PCDHA5: variants seen among roughly 807,000 people sequenced by gnomAD.
PCDHA5 encodes the protein protocadherin alpha 5, also known as protocadherin alpha-5.
PCDHA5 carries 43 observed loss-of-function variants against 61.6 expected under a neutral mutation model. That is an observed-to-expected ratio of 0.70 (90% CI 0.55 to 0.90). The LOEUF is 0.90. PCDHA5 is among the 40% of genes least tolerant of loss of function. The pLI, the probability that PCDHA5 is intolerant of heterozygous loss-of-function variation, is 0.00. For missense variants in PCDHA5, 1,298 were observed against 1,222.7 expected, an observed-to-expected ratio of 1.06 and a Z score of -0.92; for synonymous variants, 627 against 543.9, an observed-to-expected ratio of 1.15 and a Z score of -2.13.
chr5:140,871,748 A>T (rs1298018715), intron 1 of PCDHA5: 3 of 637,032 alleles, frequency 4.7e-6, no homozygotes, highest in Non-Finnish European at 7.7e-6. Flanking sequence ...TCCTAAAAGA[A>T]ATGAGATGCA....
rs1769955190 is a variant in PCDHA5 at position 140,828,794 on chromosome 5, G to A, written c.2352+4667G>A. On this transcript the variant is annotated intron_variant, in intron 1 of 3. Transcript: ENST00000529859. ...TCAGCTGCTGGTCACAGTGCTGGAT[G>A]TGAATGATAATGCTCCCACTTTCGA... is the stretch of plus-strand genomic sequence containing the variant. 1 of 1,614,124 alleles carries A rather than the reference G, an allele frequency of 6.2e-7. No individual in the cohort carries two copies. Among genetic ancestry groups the A allele is most frequent in the African/African-American group, 1.3e-5 (1 of 74,946 alleles).
intron 1 of PCDHA5, among the ~76,000 whole-genome samples, chr5:140,891,498 G>C (rs566885852): frequency 6.6e-6 from 1 of 151,186 alleles, no homozygotes; most frequent in East Asian, 1.9e-4. Flanking sequence ...CATATCCTCA[G>C]CTATAATGTT....
chr5:140,824,197 C>G, intron 1 of PCDHA5, 70 bp downstream of exon 1: 1 of 1,598,572 alleles, frequency 6.3e-7, no homozygotes, highest in Non-Finnish European at 8.6e-7. Context: ...CATTCACCCA[C>G]TTTTTTTGTA....
intron 1 of PCDHA5, among the ~76,000 whole-genome samples, chr5:140,873,904 G>A (rs936002886): frequency 6.6e-6 from 1 of 152,074 alleles, no homozygotes; most frequent in African/African-American, 2.4e-5. Flanking sequence ...CAGGTGATCT[G>A]CCTGCCTCAG....
At chr5:141,006,774 A>G (rs1435816376) in intron 3 of PCDHA5, among the ~76,000 whole-genome samples, 8 of 152,172 alleles carry the variant, frequency 5.3e-5, no homozygotes, top group Admixed American at 3.3e-4. Flanking sequence ...AGAATAGAGA[A>G]AAATGAATAA....
intron 1 of PCDHA5, chr5:140,841,230 G>A: frequency 2.1e-6 from 3 of 1,461,326 alleles, no homozygotes; most frequent in Non-Finnish European, 2.8e-6. Context: ...AACAACGGGA[G>A]ATGCAGCGGA....
chr5:140,828,017 TA>T lies in PCDHA5; in HGVS notation c.2352+3893del, dbSNP rs1483832628. 6 of 1,514,042 alleles carry T rather than the reference TA, an allele frequency of 4.0e-6. No individual in the cohort carries two copies. In the African/African-American group the frequency reaches 8.4e-5, roughly 21 times the overall value. 93.8% of individuals were successfully genotyped at this position (1,514,042 alleles called of 1,614,324 possible). A position where few individuals can be genotyped will look rare whatever the true frequency, so the allele number is the denominator to read the frequency against. ...GGCGGACGCAGAAGAAATGGATTAA[TA>T]AATTCCGGAACATACAGTATTTTAT... is the stretch of plus-strand genomic sequence containing the variant. On this transcript the variant is annotated intron_variant, in intron 1 of 3. Transcript: ENST00000529859.
intron 1 of PCDHA5, chr5:140,868,870 C>T: frequency 1.6e-6 from 1 of 619,808 alleles, no homozygotes; most frequent in Admixed American, 3.3e-5. Flanking sequence ...ATGCAGTGCA[C>T]AGTACTCACA....
intron 1 of PCDHA5, chr5:140,850,299 G>T (rs1554144160): frequency 6.3e-7 from 1 of 1,596,494 alleles, no homozygotes; most frequent in African/African-American, 1.3e-5. Context: ...CGCCGACTCG[G>T]GCTACAACGC....
At chr5:140,842,004 T>G (rs1554138709) in intron 1 of PCDHA5, 6 of 1,613,692 alleles carry the variant, frequency 3.7e-6, no homozygotes, top group Non-Finnish European at 5.1e-6. Context: ...ACTGTTCAGC[T>G]GCTGGTCACA....
intron 1 of PCDHA5, chr5:140,827,834 A>G: frequency 2.3e-6 from 1 of 435,400 alleles, no homozygotes; most frequent in Non-Finnish European, 4.0e-6. Flanking sequence ...AAGTAGAGAA[A>G]AGAAGATACT....
At chr5:140,830,622 CTTATT>C in intron 1 of PCDHA5, 1 of 582,670 alleles carries the variant, frequency 1.7e-6, no homozygotes. Flanking sequence ...TATTGTGTTT[CTTATT>C]TTAATCTCTT....
intron 1 of PCDHA5, chr5:140,849,391 G>A: frequency 1.3e-6 from 2 of 1,539,768 alleles, no homozygotes; most frequent in South Asian, 1.1e-5. Flanking sequence ...GACCCCTTAA[G>A]TGGGGCAATC....
At chr5:141,002,956 G>C (rs782632089) in intron 3 of PCDHA5, among the ~76,000 whole-genome samples, 6 of 152,230 alleles carry the variant, frequency 3.9e-5, no homozygotes, top group Non-Finnish European at 7.3e-5. Context: ...GCCCCTCTGA[G>C]AGCTTTCCTG....
At chr5:140,965,864 G>A (rs553582487) in intron 1 of PCDHA5, among the ~76,000 whole-genome samples, 1 of 152,254 alleles carries the variant, frequency 6.6e-6, no homozygotes, top group East Asian at 1.9e-4. Flanking sequence ...CTGAAAATAA[G>A]GGCCACTTGG....
At position 140,928,140 on chromosome 5, in the gene PCDHA5, G is replaced by A. The variant is rs200493520; in HGVS notation, c.2353-50809G>A. On this transcript the variant is annotated intron_variant, in intron 1 of 3. Coordinates refer to ENST00000529859, the MANE Select transcript of PCDHA5 (RefSeq NM_018908.3). The stretch of plus-strand genomic sequence containing the variant: ...TCAGTGAATACCAAGTCCTGATCAC[G>A]GCCTCAGATAGTGGCTCACCCCCAC... The A allele has an allele frequency of 2.7e-5, 43 of 1,614,036 alleles. 1 individual carries two copies. The South Asian group carries it at 4.2e-4, about 16-fold the overall frequency.
At chr5:141,000,430 T>A (rs1295455270) in intron 3 of PCDHA5, among the ~76,000 whole-genome samples, 2 of 126,420 alleles carry the variant, frequency 1.6e-5, no homozygotes, top group African/African-American at 6.1e-5. Context: ...TATTTTTTTT[T>A]TTTTTTTTTT....
chr5:140,918,918 C>T (rs1338973615), intron 1 of PCDHA5, among the ~76,000 whole-genome samples: 1 of 152,224 alleles, frequency 6.6e-6, no homozygotes, highest in Non-Finnish European at 1.5e-5. Context: ...ATTAACTACA[C>T]AGCATATGGC....
At chr5:140,946,152 G>T (rs1279401608) in intron 1 of PCDHA5, among the ~76,000 whole-genome samples, 1 of 151,750 alleles carries the variant, frequency 6.6e-6, no homozygotes, top group Non-Finnish European at 1.5e-5. Flanking sequence ...CAAATAACAC[G>T]ATTTAAAAGA....
Sources: allele counts gnomAD v4.1 joint callset (sites outside exome capture counted in the v4.1 genomes callset), GRCh38; gene constraint gnomAD v4.1.1; transcripts MANE v1.5; gene names NCBI Gene and HGNC (gene_info 2026-07-23, HGNC 2026-07-21).